BMP3: variants seen among roughly 807,000 people sequenced by gnomAD.
BMP3 encodes the protein bone morphogenetic protein 3, also known as bone morphogenetic protein 3 (osteogenic).
Under a neutral mutation model 38.1 loss-of-function variants are expected in BMP3, and 23 were observed. The ratio of observed to expected loss-of-function variants is 0.60; its 90% confidence interval spans 0.43 to 0.86. BMP3 has a LOEUF of 0.86. Among genes scored for constraint, BMP3 ranks in the 40% least tolerant of loss-of-function variants. The probability of loss-of-function intolerance (pLI) is 0.00; values close to 1 mark genes in which losing one functional copy is unlikely to be tolerated. For missense variants in BMP3, 628 were observed against 579.6 expected (o/e 1.08, Z -0.86); for synonymous variants, 258 against 225.7 (o/e 1.14, Z -1.28).
At chr4:81,053,313 C>A in intron 2 of BMP3, 32 bp from the exon 3 acceptor site, 1 of 1,483,268 alleles carries the variant, frequency 6.7e-7, no homozygotes, top group Non-Finnish European at 9.0e-7. Context: ...TTCCACCTAA[C>A]ATATGTGTTC....
At position 81,030,877 on chromosome 4, in the gene BMP3, GCGCCCAAAACAGA is replaced by G. The variant is rs1228852630; in HGVS notation, c.-407_-395del. ...TGCGCACAGCCCCGGCTCCGACCTGGCGCCCAAAACAGAGCTAGTCCTAGTCCCTCGCGCGGCC... is the reference window on the plus strand; with the variant it reads ...TGCGCACAGCCCCGGCTCCGACCTGGGCTAGTCCTAGTCCCTCGCGCGGCC... On this transcript the variant is annotated 5_prime_UTR_variant, in exon 1 of 3. Transcript: ENST00000282701. 1 of 181,828 alleles carries G rather than the reference GCGCCCAAAACAGA, an allele frequency of 5.5e-6. No individual in the cohort carries two copies. The highest frequency in any genetic ancestry group is 1.1e-5 in the Non-Finnish European group (1 of 88,316). 11.3% of individuals were successfully genotyped at this position (181,828 alleles called of 1,614,324 possible).
In BMP3 at chr4:81,046,116, G is replaced by A. The variant is rs750935828; in HGVS notation, c.695G>A (p.Arg232Lys). The change falls in exon 2 of 3, where the codon AGG (arginine) becomes AAG (lysine). Residue 232 changes from arginine to lysine, a missense_variant. Coordinates refer to ENST00000282701, the MANE Select transcript of BMP3 (RefSeq NM_001201.5). ...AAGGGACGCCAGCTGCCAAAGAGGA[G>A]GTTACCTTTTCCAGAGCCTTATATC... ...TSKGRQLPKR[R>K]LPFPEPYILV... The A allele has an allele frequency of 6.8e-6, 11 of 1,614,014 alleles. No homozygotes were observed. Among genetic ancestry groups the A allele is most frequent in the Admixed American group, 5.0e-5 (3 of 59,976 alleles).
chr4:81,045,158 T>A (rs1740195377), intron 1 of BMP3, among the ~76,000 whole-genome samples: 1 of 152,188 alleles, frequency 6.6e-6, no homozygotes, highest in African/African-American at 2.4e-5. Flanking sequence ...CATCCTAGTG[T>A]GTATCAAGTA....
chr4:81,048,120 C>T (rs544710502), intron 2 of BMP3, among the ~76,000 whole-genome samples: 73 of 152,142 alleles, frequency 4.8e-4, no homozygotes, highest in African/African-American at 1.6e-3. Flanking sequence ...ACACAAAGTA[C>T]GAATTCTATA....
chr4:81,031,622 CCCTT>C (rs1553913079), intron 1 of BMP3, 22 bp downstream of exon 1: 1 of 1,545,676 alleles, frequency 6.5e-7, no homozygotes, highest in Non-Finnish European at 8.7e-7. Context: ...AGGTGAGACT[CCCTT>C]CCCGCGGTCC....
intron 2 of BMP3, among the ~76,000 whole-genome samples, chr4:81,049,613 G>A (rs900783032): frequency 1.3e-5 from 2 of 152,074 alleles, no homozygotes; most frequent in African/African-American, 4.8e-5. Context: ...AACTTTTAAA[G>A]CTTTCTAGTG....
intron 1 of BMP3, among the ~76,000 whole-genome samples, chr4:81,033,627 G>A (rs922355443): frequency 6.6e-6 from 1 of 152,158 alleles, no homozygotes; most frequent in African/African-American, 2.4e-5. Context: ...GGCTCCTGGT[G>A]AGGTGGTTCG....
At chr4:81,039,364 T>G (rs1442969784) in intron 1 of BMP3, among the ~76,000 whole-genome samples, 2 of 152,214 alleles carry the variant, frequency 1.3e-5, no homozygotes, top group Non-Finnish European at 2.9e-5. Context: ...TCTATTTGTT[T>G]TAAAATCAGA....
Position 81,045,880 on chromosome 4 carries a change from C to T in BMP3, c.459C>T (p.Ser153=), listed in dbSNP as rs749124446. 1 of 1,614,036 alleles carries T rather than the reference C, an allele frequency of 6.2e-7. No homozygotes were observed. The highest frequency in any genetic ancestry group is 8.5e-7 in the Non-Finnish European group (1 of 1,179,992). ...SLSCPVSGGC[S]HHAQRKHIQI... ...GTTGTCCAGTGTCTGGAGGATGCTC[C>T]CATCATGCTCAGAGGAAACACATTC... Residue 153 remains serine, a synonymous_variant, in exon 2 of 3, where the codon TCC becomes TCT. Coordinates refer to ENST00000282701, the MANE Select transcript of BMP3 (RefSeq NM_001201.5).
intron 1 of BMP3, among the ~76,000 whole-genome samples, chr4:81,032,293 GCTGGGAGACAAGGGGAGGGAGCAACC>G (rs1560509382): frequency 6.6e-6 from 1 of 151,546 alleles, no homozygotes; most frequent in Non-Finnish European, 1.5e-5. Flanking sequence ...CCTGGGAGGA[GCTGGGAGACAAGGGGAGGGAGCAACC>G]CTGGATGTAA....
At position 81,046,113 on chromosome 4, in the gene BMP3, G is replaced by C. The variant is rs367604119; in HGVS notation, c.692G>C (p.Arg231Thr). Residue 231 changes from arginine (R) to threonine (T), a missense_variant, in exon 2 of 3, where the codon AGG becomes ACG. By Grantham distance (71) the Arg-to-Thr change is moderately conservative (BLOSUM62 -1). Transcript: ENST00000282701. ...TCCAAGGGACGCCAGCTGCCAAAGA[G>C]GAGGTTACCTTTTCCAGAGCCTTAT... ...ITSKGRQLPK[R>T]RLPFPEPYIL... 3.5e-4 allele frequency: 570 copies of C among 1,614,170 alleles called. 9 individuals carry two copies. The South Asian group carries it at 6.0e-3, about 17-fold the overall frequency.
intron 2 of BMP3, among the ~76,000 whole-genome samples, chr4:81,052,342 TTAGGAAGTTC>T (rs1740418590): frequency 6.6e-6 from 1 of 152,170 alleles, no homozygotes; most frequent in African/African-American, 2.4e-5. Flanking sequence ...GGGGCATCTC[TTAGGAAGTTC>T]TTACCACTCT....
intron 2 of BMP3, among the ~76,000 whole-genome samples, chr4:81,052,433 A>C (rs1157688304): frequency 6.6e-6 from 1 of 152,188 alleles, no homozygotes; most frequent in African/African-American, 2.4e-5. Flanking sequence ...GCAGAGCTGT[A>C]TGGGGTTCTC....
chr4:81,036,200 T>C (rs1434021074), intron 1 of BMP3, among the ~76,000 whole-genome samples: 2 of 152,014 alleles, frequency 1.3e-5, no homozygotes, highest in African/African-American at 4.8e-5. Context: ...GAAAAGCTAG[T>C]TTATTTGTGG....
At chr4:81,037,787 T>C (rs1739960497) in intron 1 of BMP3, among the ~76,000 whole-genome samples, 1 of 152,144 alleles carries the variant, frequency 6.6e-6, no homozygotes, top group Non-Finnish European at 1.5e-5. Flanking sequence ...TTTTCTGTCC[T>C]GACCATGGTG....
chr4:81,057,616 C>A lies in BMP3; in HGVS notation c.*4080C>A, dbSNP rs1027154484. The A allele has an allele frequency of 6.6e-6, 1 of 152,058 alleles. No individual in the cohort carries two copies. The highest frequency in any genetic ancestry group is 1.5e-5 in the Non-Finnish European group (1 of 67,962). The allele number at this position is 152,058 out of a possible 1,614,324, so 9.4% of individuals were successfully genotyped here. A position where few individuals can be genotyped will look rare whatever the true frequency, so the allele number is the denominator to read the frequency against. ...TTTAAAAGAGGTAATAAAGCTTAAG[C>A]ATAGAGTTGAACATTTTCAAATGGT... On this transcript the variant is annotated 3_prime_UTR_variant, in exon 3 of 3. Transcript: ENST00000282701.
At chr4:81,039,184 T>G (rs769869762) in intron 1 of BMP3, among the ~76,000 whole-genome samples, 4 of 152,178 alleles carry the variant, frequency 2.6e-5, no homozygotes, top group Non-Finnish European at 5.9e-5. Context: ...TGACTGAGGG[T>G]GGATGTGTCC....
At position 81,045,939 on chromosome 4, in the gene BMP3, G is replaced by T. The variant is rs757320000; in HGVS notation, c.518G>T (p.Ser173Ile). The change falls in exon 2 of 3, where the codon AGC (serine) becomes ATC (isoleucine). Residue 173 changes from serine (S) to isoleucine (I), a missense_variant. Transcript: ENST00000282701. Reference protein sequence around the residue: ...IDLSAWTLKFSRNQSQLLGHL... With the variant: ...IDLSAWTLKFIRNQSQLLGHL... ...CTTTCTGCATGGACCCTCAAATTCAGCAGAAACCAAAGTCAACTCCTTGGC... is the reference window on the plus strand; with the variant it reads ...CTTTCTGCATGGACCCTCAAATTCATCAGAAACCAAAGTCAACTCCTTGGC... 8.1e-6 allele frequency: 13 copies of T among 1,613,878 alleles called. 1 individual carries two copies. The African/African-American group carries it at 1.6e-4, about 20-fold the overall frequency.
intron 1 of BMP3, 62 bp downstream of exon 1, chr4:81,031,662 C>G (rs1258691917): frequency 1.4e-6 from 2 of 1,471,348 alleles, no homozygotes; most frequent in African/African-American, 2.8e-5. Context: ...CCGGGACCCC[C>G]CACAGCTTCC....
Sources: allele counts gnomAD v4.1 joint callset (sites outside exome capture counted in the v4.1 genomes callset), GRCh38; gene constraint gnomAD v4.1.1; transcripts MANE v1.5; gene names NCBI Gene and HGNC (gene_info 2026-07-23, HGNC 2026-07-21).